FERRY3: variants seen among roughly 807,000 people sequenced by gnomAD.
The protein encoded by FERRY3 is FERRY endosomal RAB5 effector complex subunit 3.
At chr12:4,537,094 T>A in the FERRY3 span, among the ~76,000 whole-genome samples, 1 of 152,216 alleles carries the variant, frequency 6.6e-6, no homozygotes, top group East Asian at 1.9e-4. Context: ...ACTGCACCTC[T>A]CCTTCCTAAT....
chr12:4,517,078 T>C, the FERRY3 span: 1 of 1,559,762 alleles, frequency 6.4e-7, no homozygotes, highest in South Asian at 1.3e-5. Context: ...TTCTTTCAAT[T>C]TACTCCTGCG....
the FERRY3 span, chr12:4,489,581 A>G: frequency 6.1e-6 from 2 of 326,620 alleles, no homozygotes; most frequent in East Asian, 9.7e-5. Context: ...AGAGAAGAAA[A>G]AAAGAGAAAT....
chr12:4,516,320 TAAAAA>T, the FERRY3 span, among the ~76,000 whole-genome samples: 2 of 152,098 alleles, frequency 1.3e-5, no homozygotes, highest in Non-Finnish European at 2.9e-5. Flanking sequence ...ATCATCCTCT[TAAAAA>T]AGAAAATTAG....
the FERRY3 span, among the ~76,000 whole-genome samples, chr12:4,531,222 A>T: frequency 6.6e-6 from 1 of 152,182 alleles, no homozygotes; most frequent in African/African-American, 2.4e-5. Flanking sequence ...ATGCCTCTGA[A>T]ACTCCAAAAC....
chr12:4,517,329 T>C, the FERRY3 span: 1 of 988,746 alleles, frequency 1.0e-6, no homozygotes, highest in Non-Finnish European at 1.3e-6. Flanking sequence ...TTTTAAATAA[T>C]TATGCCTTAA....
the FERRY3 span, chr12:4,517,196 G>A: frequency 6.6e-7 from 1 of 1,523,864 alleles, no homozygotes; most frequent in Non-Finnish European, 8.8e-7. Context: ...AAATCTAAGG[G>A]ACCCAAAACA....
At chr12:4,536,219 AC>A in the FERRY3 span, 1 of 1,499,998 alleles carries the variant, frequency 6.7e-7, no homozygotes. Context: ...TTTCTACAGA[AC>A]TAACAAAAAA....
the FERRY3 span, among the ~76,000 whole-genome samples, chr12:4,513,757 A>C: frequency 6.6e-6 from 1 of 152,226 alleles, no homozygotes; most frequent in Admixed American, 6.5e-5. Flanking sequence ...GATGGATTAA[A>C]GATTTAAACG....
the FERRY3 span, among the ~76,000 whole-genome samples, chr12:4,494,508 T>C: frequency 2.6e-5 from 4 of 152,236 alleles, no homozygotes; most frequent in African/African-American, 9.6e-5. Context: ...AATTTTTATA[T>C]ATGATATAAT....
the FERRY3 span, chr12:4,534,354 G>T: frequency 2.0e-6 from 3 of 1,500,324 alleles, no homozygotes; most frequent in South Asian, 1.3e-5. Context: ...GTATAAATAG[G>T]GAACATTTTA....
the FERRY3 span, among the ~76,000 whole-genome samples, chr12:4,495,765 T>C: frequency 5.9e-5 from 9 of 152,302 alleles, no homozygotes; most frequent in Middle Eastern, 6.8e-3. Context: ...TTGCTTTGTG[T>C]ATATGTGTGA....
At chr12:4,526,919 C>G in the FERRY3 span, among the ~76,000 whole-genome samples, 1 of 151,564 alleles carries the variant, frequency 6.6e-6, no homozygotes, top group East Asian at 1.9e-4. Context: ...TAAATTCAAG[C>G]AAGTTACACA....
At chr12:4,490,298 T>C in the FERRY3 span, among the ~76,000 whole-genome samples, 1 of 152,172 alleles carries the variant, frequency 6.6e-6, no homozygotes, top group Admixed American at 6.6e-5. Flanking sequence ...TGAGTCAAGT[T>C]TTGTTCAGGG....
the FERRY3 span, among the ~76,000 whole-genome samples, chr12:4,537,805 T>C: frequency 3.3e-5 from 5 of 152,318 alleles, no homozygotes; most frequent in East Asian, 9.6e-4. Context: ...TAAAGGTATA[T>C]TCTATGATGT....
the FERRY3 span, among the ~76,000 whole-genome samples, chr12:4,528,863 T>C: frequency 6.6e-5 from 10 of 150,978 alleles, no homozygotes; most frequent in Non-Finnish European, 1.3e-4. Flanking sequence ...GCACATCTTT[T>C]TAAATTTACT....
the FERRY3 span, chr12:4,489,788 C>T: frequency 2.0e-6 from 3 of 1,525,608 alleles, no homozygotes; most frequent in South Asian, 2.3e-5. Flanking sequence ...CTTCTGCCAG[C>T]ATGTCAATCT....
At chr12:4,498,062 T>C in the FERRY3 span, among the ~76,000 whole-genome samples, 1 of 152,228 alleles carries the variant, frequency 6.6e-6, no homozygotes, top group South Asian at 2.1e-4. Context: ...GTGAATTAAA[T>C]TGGACACTTT....
At chr12:4,489,845 G>T in the FERRY3 span, 1 of 1,611,004 alleles carries the variant, frequency 6.2e-7, no homozygotes, top group Non-Finnish European at 8.5e-7. Context: ...GATGATACTC[G>T]GAAGATCTGG....
At chr12:4,513,605 C>A in the FERRY3 span, among the ~76,000 whole-genome samples, 4 of 152,050 alleles carry the variant, frequency 2.6e-5, no homozygotes, top group Admixed American at 6.6e-5. Flanking sequence ...CTACAATTAT[C>A]TGATCTTTGA....
Sources: allele counts gnomAD v4.1 joint callset (sites outside exome capture counted in the v4.1 genomes callset), GRCh38; gene constraint gnomAD v4.1.1; transcripts MANE v1.5; gene names NCBI Gene and HGNC (gene_info 2026-07-23, HGNC 2026-07-21).